Variants in FMC1 observed in about 807,000 individuals in gnomAD.
FMC1 encodes protein FMC1 homolog.
A neutral mutation model predicts 10.5 loss-of-function variants in FMC1; 6 were observed. The ratio of observed to expected loss-of-function variants is 0.57; its 90% CI spans 0.31 to 1.12. The LOEUF is 1.12. FMC1 is among the 50% of genes most tolerant of loss of function. The pLI is 0.05. For synonymous variants in FMC1, 59 were observed against 62.1 expected (o/e 0.95, Z 0.24); for missense variants, 146 against 151.7 (o/e 0.96, Z 0.20).
At position 139,341,521 on chromosome 7, in the gene FMC1, G is replaced by T; in HGVS notation, c.137G>T (p.Arg46Leu). Residue 46 changes from arginine (R) to leucine (L), a missense_variant and splice_region_variant, in exon 1 of 2, where the codon CGG (arginine) becomes CTG (leucine). Arg to Leu is a moderately radical substitution (Grantham distance 102). Transcript: ENST00000297534. Reference protein sequence around the residue: ...RYLVKAFRAHRVTSEKLCRAQ... With the variant: ...RYLVKAFRAHLVTSEKLCRAQ... The stretch of plus-strand genomic sequence containing the variant: ...CTTGTGAAGGCTTTCCGTGCACATC[G>T]GGTACGGGAGCCATGTCCCGGGTGC... The T allele has an allele frequency of 6.2e-7, 1 of 1,611,366 alleles. No homozygotes were observed.
chr7:139,343,337 C>G (rs1799094349), intron 1 of FMC1, among the ~76,000 whole-genome samples: 1 of 152,166 alleles, frequency 6.6e-6, no homozygotes, highest in South Asian at 2.1e-4. Context: ...ATGAATGTTG[C>G]TTTCAACATG....
chr7:139,342,491 G>A (rs1563246822), intron 1 of FMC1, among the ~76,000 whole-genome samples: 1 of 152,102 alleles, frequency 6.6e-6, no homozygotes, highest in Non-Finnish European at 1.5e-5. Context: ...GTGGTAGGCC[G>A]AACAGGAACT....
chr7:139,345,171 A>T (rs1241334375), intron 1 of FMC1, among the ~76,000 whole-genome samples: 1 of 152,116 alleles, frequency 6.6e-6, no homozygotes, highest in African/African-American at 2.4e-5. Context: ...TAATTTCCAT[A>T]TCTACCATTA....
upstream of FMC1, chr7:139,341,206 C>T: frequency 2.6e-6 from 3 of 1,140,798 alleles, no homozygotes; most frequent in Non-Finnish European, 3.5e-6. Context: ...TGTTACGGCG[C>T]CCCTGGGCCT....
chr7:139,342,126 T>A (rs1799010079), intron 1 of FMC1, among the ~76,000 whole-genome samples: 1 of 152,064 alleles, frequency 6.6e-6, no homozygotes, highest in Admixed American at 6.6e-5. Context: ...TTTTAAAAGG[T>A]GGCAACGTTA....
chr7:139,343,925 CCAAAAA>C (rs1799130319), intron 1 of FMC1, among the ~76,000 whole-genome samples: 1 of 126,508 alleles, frequency 7.9e-6, no homozygotes, highest in African/African-American at 3.5e-5. Flanking sequence ...GACCCTGTCC[CCAAAAA>C]AAAAAAAAAA....
chr7:139,341,914 T>C (rs546879515), intron 1 of FMC1, among the ~76,000 whole-genome samples: 1 of 152,320 alleles, frequency 6.6e-6, no homozygotes, highest in Admixed American at 6.5e-5. Flanking sequence ...AGCCACAGCA[T>C]CTGGCCAACA....
chr7:139,343,437 C>T (rs1184085672), intron 1 of FMC1, among the ~76,000 whole-genome samples: 1 of 152,104 alleles, frequency 6.6e-6, no homozygotes, highest in East Asian at 1.9e-4. Flanking sequence ...ATTATCCAGG[C>T]GTGATGGCCC....
chr7:139,341,040 AC>A (rs904610682), upstream of FMC1: 3 of 226,246 alleles, frequency 1.3e-5, no homozygotes, highest in Non-Finnish European at 1.7e-5. Flanking sequence ...CCACACCCAC[AC>A]CCCCCGCCGG....
At chr7:139,345,381 A>C in intron 1 of FMC1, 120 bp from the exon 2 acceptor site, 1 of 1,415,562 alleles carries the variant, frequency 7.1e-7, no homozygotes, top group African/African-American at 1.4e-5. Flanking sequence ...ATATACATAC[A>C]TGTCTGTATT....
Position 139,345,589 on chromosome 7 carries a change from A to T in FMC1, c.227A>T (p.His76Leu). 6.2e-7 allele frequency: 1 copy of T among 1,614,026 alleles called. No homozygotes were observed. Residue 76 changes from histidine (H) to leucine (L), a missense_variant, in exon 2 of 2, where the codon CAT becomes CTT. Coordinates refer to ENST00000297534, the MANE Select transcript of FMC1 (RefSeq NM_197964.5). The part of the protein sequence containing the change: ...YLCLLRSIRK[H>L]VALHQEFHGK... ...TGCCTCCTGCGTAGCATCCGGAAAC[A>T]TGTGGCCCTACATCAGGAATTTCAT...
chr7:139,345,291 C>T (rs1799217491), intron 1 of FMC1, among the ~76,000 whole-genome samples: 1 of 152,138 alleles, frequency 6.6e-6, no homozygotes, highest in African/African-American at 2.4e-5. Flanking sequence ...TTCAATGCAA[C>T]TCCTTTTAAA....
At chr7:139,341,862 C>G (rs6965143) in intron 1 of FMC1, among the ~76,000 whole-genome samples, 59,296 of 152,130 alleles carry the variant, frequency 0.39, 16,191 homozygotes, top group African/African-American at 0.78. Flanking sequence ...GGGGATAAAA[C>G]AATGAAGATG....
In FMC1 at chr7:139,341,382, A is replaced by G. The variant is rs1290153734; in HGVS notation, c.-3A>G. 1 of 1,612,456 alleles carries G rather than the reference A, an allele frequency of 6.2e-7. No homozygotes were observed. The highest frequency in any genetic ancestry group is 1.1e-5 in the South Asian group (1 of 91,032). On this transcript the variant is annotated 5_prime_UTR_variant, in exon 1 of 2. Coordinates refer to ENST00000297534, the MANE Select transcript of FMC1 (RefSeq NM_197964.5). ...GGCACCACGCTCGGAGAAGGACAGG[A>G]CAATGGCGGCCTTAGGGTCCCCGTC...
upstream of FMC1, chr7:139,341,140 T>G: frequency 2.1e-6 from 1 of 473,522 alleles, no homozygotes; most frequent in Non-Finnish European, 3.4e-6. Context: ...CCCAAACCCT[T>G]GTTCTGGGTT....
upstream of FMC1, chr7:139,340,728 G>A (rs1283202836): frequency 5.2e-6 from 2 of 384,502 alleles, no homozygotes; most frequent in Admixed American, 4.5e-5. Flanking sequence ...ATAAGGCATT[G>A]GCCTCCTAAG....
At chr7:139,341,721 G>A (rs544723571) in intron 1 of FMC1, among the ~76,000 whole-genome samples, 199 bp downstream of exon 1, 1 of 152,220 alleles carries the variant, frequency 6.6e-6, no homozygotes, top group Non-Finnish European at 1.5e-5. Context: ...ACCAGCGGGG[G>A]GGGGCGCAGA....
upstream of FMC1, chr7:139,341,051 G>A (rs191830702): frequency 7.7e-3 from 1,815 of 236,688 alleles, 12 homozygotes; most frequent in South Asian, 0.012. Flanking sequence ...CCCCCCGCCG[G>A]GCCCGCTTCT....
intron 1 of FMC1, among the ~76,000 whole-genome samples, chr7:139,343,945 AAG>A (rs965577296): frequency 6.6e-6 from 1 of 151,274 alleles, no homozygotes; most frequent in Admixed American, 6.6e-5. Context: ...AAAAAAAAAA[AAG>A]AGTTGGTGGG....
Sources: gnomAD v4.1 joint callset for allele counts (sites outside exome capture counted in the v4.1 genomes callset) on GRCh38, gnomAD v4.1.1 for gene constraint, MANE v1.5 for transcripts, NCBI Gene and HGNC (gene_info 2026-07-23, HGNC 2026-07-21) for gene names.